Variants in SCD5 observed in about 807,000 individuals in gnomAD.
SCD5 encodes the protein acyl-CoA-desaturase 4.
Under a neutral mutation model 30.4 loss-of-function variants are expected in SCD5, and 20 were observed. The ratio of observed to expected loss-of-function variants is 0.66; its 90% CI spans 0.46 to 0.96. The LOEUF (loss-of-function observed/expected upper bound fraction) is 0.96. SCD5 is among the 40% of genes least tolerant of loss of function. SCD5 has a pLI of 0.00. For synonymous variants in SCD5, 173 were observed against 176.4 expected, an observed-to-expected ratio of 0.98 and a Z score of 0.16; for missense variants, 381 against 443.3, an observed-to-expected ratio of 0.86 and a Z score of 1.26.
intron 3 of SCD5, among the ~76,000 whole-genome samples, chr4:82,670,233 A>G (rs1728280320): frequency 6.6e-6 from 1 of 152,230 alleles, no homozygotes. Context: ...TAAAATAACT[A>G]TGATTAACGG....
chr4:82,671,650 G>T (rs775321851), intron 3 of SCD5, among the ~76,000 whole-genome samples: 3 of 152,216 alleles, frequency 2.0e-5, no homozygotes, highest in Non-Finnish European at 4.4e-5. Context: ...GGCCAAGGTG[G>T]ATGGATCACC....
chr4:82,721,672 G>A (rs1720372285), intron 1 of SCD5, among the ~76,000 whole-genome samples: 1 of 152,174 alleles, frequency 6.6e-6, no homozygotes, highest in South Asian at 2.1e-4. Context: ...AAGCGAAGGA[G>A]AGAGGCCTGG....
At chr4:82,653,437 C>T (rs1727796228) in intron 3 of SCD5, among the ~76,000 whole-genome samples, 1 of 152,140 alleles carries the variant, frequency 6.6e-6, no homozygotes, top group Non-Finnish European at 1.5e-5. Context: ...TCCTCTTTTT[C>T]TCTGGAAACA....
intron 1 of SCD5, among the ~76,000 whole-genome samples, chr4:82,779,839 A>G (rs566346544): frequency 6.6e-6 from 1 of 152,348 alleles, no homozygotes; most frequent in Admixed American, 6.5e-5. Context: ...GTGCATTTGC[A>G]CTACAATAAT....
chr4:82,774,554 C>T (rs1721704199), intron 1 of SCD5, among the ~76,000 whole-genome samples: 1 of 152,166 alleles, frequency 6.6e-6, no homozygotes, highest in African/African-American at 2.4e-5. Flanking sequence ...TGAACAAGTA[C>T]TTCTTAATTT....
At chr4:82,676,882 T>C (rs1381713015) in intron 3 of SCD5, among the ~76,000 whole-genome samples, 1 of 152,256 alleles carries the variant, frequency 6.6e-6, no homozygotes, top group Non-Finnish European at 1.5e-5. Context: ...AAAATGTGGT[T>C]TAGTCCAGTT....
intron 1 of SCD5, among the ~76,000 whole-genome samples, chr4:82,724,857 C>T (rs1230583677): frequency 6.6e-6 from 1 of 152,226 alleles, no homozygotes; most frequent in Non-Finnish European, 1.5e-5. Context: ...ATTTAGGCCC[C>T]AGGGCCTGTC....
chr4:82,734,199 T>C (rs1206004358), intron 1 of SCD5, among the ~76,000 whole-genome samples: 1 of 152,198 alleles, frequency 6.6e-6, no homozygotes, highest in Non-Finnish European at 1.5e-5. Flanking sequence ...GGCACTGGCT[T>C]GATGAAGGAG....
Position 82,634,899 on chromosome 4 carries a change from A to T in SCD5, c.802+1692T>A, listed in dbSNP as rs191029809. ...TGGGGCACTGCCCCTCCTGTTTTCC[A>T]AGGCACTTTCTCCCTGCTTATGCAG... On this transcript the variant is annotated intron_variant, in intron 4 of 4. Coordinates refer to ENST00000319540, the MANE Select transcript of SCD5 (RefSeq NM_001037582.3). 1.4e-3 allele frequency among the ~76,000 whole-genome samples: 211 copies of T among 152,364 alleles called. 1 individual carries two copies. Among genetic ancestry groups the T allele is most frequent in the Non-Finnish European group, 2.4e-3 (165 of 68,028 alleles).
chr4:82,675,103 T>C lies in SCD5; in HGVS notation c.569+5604A>G, dbSNP rs1578015994. Among the ~76,000 whole-genome samples, 3 of 152,204 alleles carry C rather than the reference T, an allele frequency of 2.0e-5. No individual in the cohort carries two copies. In the East Asian group the frequency reaches 5.8e-4, roughly 29 times the overall value. On this transcript the variant is annotated intron_variant, in intron 3 of 4. Coordinates refer to ENST00000319540, the MANE Select transcript of SCD5 (RefSeq NM_001037582.3). ...ATGGACTATACAACACCAACATGAA[T>C]CCTGATGGAAACTATGGACTTTGGG...
At chr4:82,729,224 T>C (rs751883283) in intron 1 of SCD5, among the ~76,000 whole-genome samples, 4 of 152,012 alleles carry the variant, frequency 2.6e-5, no homozygotes, top group Non-Finnish European at 4.4e-5. Context: ...TGAAGACAAG[T>C]AGGTTGCTGA....
chr4:82,706,130 T>G (rs2148827733), intron 1 of SCD5, among the ~76,000 whole-genome samples: 1 of 152,356 alleles, frequency 6.6e-6, no homozygotes, highest in Non-Finnish European at 1.5e-5. Context: ...AATTTAACCT[T>G]GGTCATGAGT....
chr4:82,671,356 C>G (rs1728318716), intron 3 of SCD5, among the ~76,000 whole-genome samples: 1 of 152,110 alleles, frequency 6.6e-6, no homozygotes, highest in Non-Finnish European at 1.5e-5. Flanking sequence ...TCAGTAAAGA[C>G]ATAGTTAAAT....
At chr4:82,660,040 G>T (rs997863694) in intron 3 of SCD5, 1 of 148,884 alleles carries the variant, frequency 6.7e-6, no homozygotes, top group African/African-American at 2.5e-5. Flanking sequence ...TAATAAAACA[G>T]ACTTTAAACC....
At chr4:82,676,390 G>A (rs1183178791) in intron 3 of SCD5, among the ~76,000 whole-genome samples, 2 of 152,180 alleles carry the variant, frequency 1.3e-5, no homozygotes, top group Non-Finnish European at 2.9e-5. Context: ...CCCAACATTT[G>A]CAGGTTTCAA....
intron 2 of SCD5, among the ~76,000 whole-genome samples, chr4:82,693,552 AAAAT>A (rs138796881): frequency 2.0e-5 from 3 of 151,684 alleles, no homozygotes; most frequent in Non-Finnish European, 4.4e-5. Flanking sequence ...ACTCTACAGC[AAAAT>A]AAATAAATAA....
At chr4:82,663,105 C>T (rs908597021) in intron 3 of SCD5, among the ~76,000 whole-genome samples, 2 of 152,072 alleles carry the variant, frequency 1.3e-5, no homozygotes, top group Non-Finnish European at 1.5e-5. Context: ...TATACACAAC[C>T]ATAACTTTTC....
At chr4:82,712,798 G>A (rs766534234) in intron 1 of SCD5, among the ~76,000 whole-genome samples, 15 of 152,134 alleles carry the variant, frequency 9.9e-5, no homozygotes, top group Non-Finnish European at 1.9e-4. Context: ...GGACCTCTAC[G>A]GCTACTTATC....
chr4:82,774,482 G>T (rs1262583807), intron 1 of SCD5, among the ~76,000 whole-genome samples: 1 of 152,174 alleles, frequency 6.6e-6, no homozygotes, highest in Non-Finnish European at 1.5e-5. Context: ...CTAAAATGGG[G>T]AGATACAAGT....
Sources: gnomAD v4.1 joint callset for allele counts (sites outside exome capture counted in the v4.1 genomes callset) on GRCh38, gnomAD v4.1.1 for gene constraint, MANE v1.5 for transcripts, NCBI Gene and HGNC (gene_info 2026-07-23, HGNC 2026-07-21) for gene names.